Variants in PPP1R12B observed in about 807,000 individuals in gnomAD.
PPP1R12B encodes the protein myosin phosphatase target subunit 2.
PPP1R12B carries 76 observed loss-of-function variants against 126.1 expected under a neutral mutation model. The ratio of observed to expected loss-of-function variants is 0.60; its 90% confidence interval spans 0.50 to 0.73. The LOEUF is 0.73. Among genes scored for constraint, PPP1R12B ranks in the 30% least tolerant of loss-of-function variants. The probability of loss-of-function intolerance (pLI) is 0.00; values close to 1 mark genes in which losing one functional copy is unlikely to be tolerated. For missense variants in PPP1R12B, 1,052 were observed against 1,205.1 expected, an observed-to-expected ratio of 0.87 and a Z score of 1.88; for synonymous variants, 356 against 434.7, an observed-to-expected ratio of 0.82 and a Z score of 2.25.
At chr1:202,363,067 C>G in intron 1 of PPP1R12B, among the ~76,000 whole-genome samples, 1 of 152,226 alleles carries the variant, frequency 6.6e-6, no homozygotes, top group East Asian at 1.9e-4. Context: ...CTCCTGGACT[C>G]AAGTGATCCA....
In PPP1R12B at chr1:202,495,436, A is replaced by G. The variant is rs140755157; in HGVS notation, c.2289A>G (p.Ser763=). ...NRFSVPDSES[S]ETTTNTTTAK... ...TTTCAGTCCCTGATTCTGAGAGTTC[A>G]GAGACTACCACAAACACTACAACTG... is the stretch of plus-strand genomic sequence containing the variant. The change falls in exon 16 of 24, where the codon TCA becomes TCG. Residue 763 remains serine, a synonymous_variant. Transcript: ENST00000608999. 3 of 1,610,166 alleles carry G rather than the reference A, an allele frequency of 1.9e-6. No homozygotes were observed. The highest frequency in any genetic ancestry group is 1.7e-4 in the Middle Eastern group (1 of 6,032).
At chr1:202,393,027 C>G (rs896326012) in intron 1 of PPP1R12B, among the ~76,000 whole-genome samples, 1 of 152,172 alleles carries the variant, frequency 6.6e-6, no homozygotes, top group Non-Finnish European at 1.5e-5. Flanking sequence ...CTCACTGCAA[C>G]CTGCATCTTT....
intron 13 of PPP1R12B, among the ~76,000 whole-genome samples, chr1:202,473,772 G>T (rs909158753): frequency 4.6e-5 from 7 of 152,178 alleles, no homozygotes; most frequent in Non-Finnish European, 1.0e-4. Context: ...CAGCTCCTTA[G>T]CAAATTGCAA....
chr1:202,476,677 T>A (rs1482681142), intron 13 of PPP1R12B, among the ~76,000 whole-genome samples: 1 of 150,652 alleles, frequency 6.6e-6, no homozygotes, highest in Non-Finnish European at 1.5e-5. Context: ...AGCAAGACTC[T>A]GTCTCAAAAA....
chr1:202,359,193 G>A (rs191420382), intron 1 of PPP1R12B, among the ~76,000 whole-genome samples: 1 of 151,768 alleles, frequency 6.6e-6, no homozygotes, highest in East Asian at 2.0e-4. Flanking sequence ...TGCCCAGGCT[G>A]GAGTGCAGTG....
At chr1:202,563,540 G>A (rs561528376) in intron 20 of PPP1R12B, among the ~76,000 whole-genome samples, 1 of 149,722 alleles carries the variant, frequency 6.7e-6, no homozygotes, top group Non-Finnish European at 1.5e-5. Flanking sequence ...GAGCCCCTGA[G>A]AATCATTTGG....
chr1:202,377,846 T>G lies in PPP1R12B; in HGVS notation c.291+28704T>G, dbSNP rs905082120. On this transcript the variant is annotated intron_variant, in intron 1 of 23. Coordinates refer to ENST00000608999, the MANE Select transcript of PPP1R12B (RefSeq NM_002481.4). ...CAAAGACAGGTGTTTTTTTTTTTTT[T>G]TTTTTTTTTTTTTGAGACGGAGTCT... Among the ~76,000 whole-genome samples the G allele has an allele frequency of 7.9e-5, 11 of 140,104 alleles. 1 individual carries two copies. Among genetic ancestry groups the G allele is most frequent in the Admixed American group, 4.9e-4 (7 of 14,418 alleles). The allele number at this position is 140,104 out of a possible 152,430, so 91.9% of individuals were successfully genotyped here.
chr1:202,478,098 A>T (rs182961388), intron 13 of PPP1R12B, among the ~76,000 whole-genome samples: 151 of 152,342 alleles, frequency 9.9e-4, no homozygotes, highest in African/African-American at 3.5e-3. Context: ...GATGGCTGCA[A>T]TGCTTCTCAG....
At chr1:202,558,787 T>G in intron 18 of PPP1R12B, 90 bp from the exon 19 acceptor site, 1 of 856,120 alleles carries the variant, frequency 1.2e-6, no homozygotes, top group Non-Finnish European at 1.9e-6. Flanking sequence ...AGTGCATTTA[T>G]AGATGGAAAT....
Position 202,557,933 on chromosome 1 carries a change from TC to T in PPP1R12B, c.2491-942del, listed in dbSNP as rs2149000774. Among the ~76,000 whole-genome samples, 2 of 152,314 alleles carry T rather than the reference TC, an allele frequency of 1.3e-5. 1 individual carries two copies. The highest frequency in any genetic ancestry group is 4.1e-4 in the South Asian group (2 of 4,828). On this transcript the variant is annotated intron_variant, in intron 18 of 23. Coordinates refer to ENST00000608999, the MANE Select transcript of PPP1R12B (RefSeq NM_002481.4). ...TATGTTGTTTGACAAACCAGTGGCTTCCAGGGACTGTTTAATGCAAAGCAGT... is the reference window on the plus strand; with the variant it reads ...TATGTTGTTTGACAAACCAGTGGCTTCAGGGACTGTTTAATGCAAAGCAGT...
intron 1 of PPP1R12B, among the ~76,000 whole-genome samples, chr1:202,399,210 TG>T (rs1207280537): frequency 1.3e-5 from 2 of 152,172 alleles, no homozygotes; most frequent in Non-Finnish European, 2.9e-5. Flanking sequence ...TATTCATATT[TG>T]TCATATAACT....
chr1:202,493,244 A>G lies in PPP1R12B; in HGVS notation c.2072A>G (p.His691Arg), dbSNP rs1320639484. 1.9e-6 allele frequency: 3 copies of G among 1,613,034 alleles called. No individual in the cohort carries two copies. Among genetic ancestry groups the G allele is most frequent in the East Asian group, 2.2e-5 (1 of 44,880 alleles). Residue 691 changes from histidine to arginine, a missense_variant, in exon 15 of 24, where the codon CAT becomes CGT. By Grantham distance (29) the His-to-Arg change is conservative. Transcript: ENST00000608999. Reference sequence around the variant, plus strand: ...GGGCTTGAGGGGAGCCCTGAGAAGCATGAGCCCTCAGCAGTTCCAGCAACA... The same window carrying G: ...GGGCTTGAGGGGAGCCCTGAGAAGCGTGAGCCCTCAGCAGTTCCAGCAACA... ...TEGLEGSPEK[H>R]EPSAVPATEA...
chr1:202,392,776 C>G (rs566029345), intron 1 of PPP1R12B, among the ~76,000 whole-genome samples: 1 of 152,138 alleles, frequency 6.6e-6, no homozygotes, highest in Non-Finnish European at 1.5e-5. Flanking sequence ...ATCCACCTGC[C>G]TAAGCCTCCC....
chr1:202,563,799 G>A (rs185723302), intron 20 of PPP1R12B, among the ~76,000 whole-genome samples: 11 of 152,300 alleles, frequency 7.2e-5, no homozygotes, highest in Admixed American at 5.2e-4. Flanking sequence ...TGGGCATGGT[G>A]GTTCATGCCT....
chr1:202,452,502 A>G (rs1673126655), intron 13 of PPP1R12B, among the ~76,000 whole-genome samples: 1 of 152,104 alleles, frequency 6.6e-6, no homozygotes, highest in African/African-American at 2.4e-5. Flanking sequence ...TGGCAGCAGT[A>G]CAGTCCAGCT....
At chr1:202,378,390 C>T (rs1210345698) in intron 1 of PPP1R12B, among the ~76,000 whole-genome samples, 3 of 151,984 alleles carry the variant, frequency 2.0e-5, no homozygotes, top group Non-Finnish European at 2.9e-5. Context: ...TGTAAACCCA[C>T]TCTGCTACTT....
At chr1:202,447,656 A>G (rs568784405) in intron 12 of PPP1R12B, among the ~76,000 whole-genome samples, 4 of 152,250 alleles carry the variant, frequency 2.6e-5, no homozygotes, top group African/African-American at 7.2e-5. Context: ...AAATAATAGT[A>G]AAAGTCCTAT....
At chr1:202,492,158 CTT>C (rs948687008) in intron 14 of PPP1R12B, among the ~76,000 whole-genome samples, 6 of 152,158 alleles carry the variant, frequency 3.9e-5, no homozygotes, top group Non-Finnish European at 1.5e-5. Context: ...CCTATATACT[CTT>C]GTGTTTCTGT....
chr1:202,545,240 A>G (rs1572457047), intron 18 of PPP1R12B, among the ~76,000 whole-genome samples: 1 of 152,354 alleles, frequency 6.6e-6, no homozygotes, highest in South Asian at 2.1e-4. Context: ...AGGAAAATCA[A>G]TAGCAGTAAT....
Sources: allele counts gnomAD v4.1 joint callset (sites outside exome capture counted in the v4.1 genomes callset), GRCh38; gene constraint gnomAD v4.1.1; transcripts MANE v1.5; gene names NCBI Gene and HGNC (gene_info 2026-07-23, HGNC 2026-07-21).